EIF4B: variants seen among roughly 807,000 people sequenced by gnomAD.
EIF4B encodes the protein eukaryotic translation initiation factor 4B.
Under a neutral mutation model 79.3 loss-of-function variants are expected in EIF4B, and 8 were observed. That is an observed-to-expected ratio of 0.10 (90% CI 0.06 to 0.18). The LOEUF (loss-of-function observed/expected upper bound fraction) is 0.18, where lower values mean the gene tolerates loss of function less well. Ranked by LOEUF, EIF4B falls within the 10% of genes least tolerant of loss-of-function variation. The pLI, the probability that EIF4B is intolerant of heterozygous loss-of-function variation, is 1.00. For missense variants in EIF4B, 515 were observed against 792.4 expected, an observed-to-expected ratio of 0.65 and a Z score of 4.20; for synonymous variants, 238 against 274.7, an observed-to-expected ratio of 0.87 and a Z score of 1.32.
rs1482025945 is a variant in EIF4B, at chr12:53,006,461, G to C, written c.-23G>C. 3 of 1,612,936 alleles carry C rather than the reference G, an allele frequency of 1.9e-6. No individual in the cohort carries two copies. Among genetic ancestry groups the C allele is most frequent in the East Asian group, 4.5e-5 (2 of 44,886 alleles). On this transcript the variant is annotated 5_prime_UTR_variant, in exon 1 of 15. Coordinates refer to ENST00000262056, the MANE Select transcript of EIF4B (RefSeq NM_001417.7). ...CGTGATTGCCTCATCCGGGTCTTTT[G>C]CGTTCTCTTTCCCTCTCCCAACATG...
intron 1 of EIF4B, among the ~76,000 whole-genome samples, chr12:53,009,501 AAAAAAC>A (rs1943026603): frequency 1.6e-5 from 2 of 128,716 alleles, no homozygotes; most frequent in African/African-American, 7.1e-5. Context: ...TCTCAAAAAA[AAAAAAC>A]AAAAACAAAC....
rs1943363084 is a variant in EIF4B at position 53,027,822 on chromosome 12, G to T, written c.708G>T (p.Gly236=). The T allele has an allele frequency of 6.2e-7, 1 of 1,612,158 alleles. No individual in the cohort carries two copies. Among genetic ancestry groups the T allele is most frequent in the African/African-American group, 1.3e-5 (1 of 74,942 alleles). ...ATGATTCAGACCGGTATCGGGATGG[G>T]TATCGGGATGGGTATCGGGATGGCC... ...DRYDSDRYRD[G]YRDGYRDGPR... Residue 236 remains glycine, a synonymous_variant, in exon 7 of 15, where the codon GGG becomes GGT. Transcript: ENST00000262056.
At chr12:53,027,136 A>ATTTTTTTTTTTTTT (rs777111413) in intron 6 of EIF4B, among the ~76,000 whole-genome samples, 607 of 29,076 alleles carry the variant, frequency 0.021, 74 homozygotes, top group Middle Eastern at 0.042. Flanking sequence ...AAAAAAAAAA[A>ATTTTTTTTTTTTTT]ATTTTTTTTT....
chr12:53,027,137 A>AAATTTTTTTTTTTTTTTTTTTTTTTTTTT (rs1491387300), intron 6 of EIF4B, among the ~76,000 whole-genome samples: 1 of 25,722 alleles, frequency 3.9e-5, no homozygotes, highest in African/African-American at 8.2e-5. Flanking sequence ...AAAAAAAAAA[A>AAATTTTTTTTTTTTTTTTTTTTTTTTTTT]TTTTTTTTTT....
chr12:53,020,053 A>G (rs1943223098), intron 4 of EIF4B, 27 bp downstream of exon 4: 1 of 1,557,254 alleles, frequency 6.4e-7, no homozygotes. Flanking sequence ...TGGGGATATG[A>G]GGGGTGTAAG....
At chr12:53,015,544 G>C (rs542273724) in intron 1 of EIF4B, among the ~76,000 whole-genome samples, 1 of 151,868 alleles carries the variant, frequency 6.6e-6, no homozygotes, top group Non-Finnish European at 1.5e-5. Flanking sequence ...TCAGCTGGGC[G>C]TGGTAGTGTG....
chr12:53,006,624 C>A, intron 1 of EIF4B, 128 bp downstream of exon 1: 1 of 1,535,116 alleles, frequency 6.5e-7, no homozygotes, highest in Non-Finnish European at 8.9e-7. Context: ...CTGCGGCAGG[C>A]TGGCGGCGTG....
At chr12:53,039,774 G>A in intron 14 of EIF4B, 72 bp downstream of exon 14, 2 of 1,498,676 alleles carry the variant, frequency 1.3e-6, no homozygotes, top group Non-Finnish European at 1.8e-6. Context: ...TTCTTACTAA[G>A]AATTAAAAAT....
rs774474668 is a variant in EIF4B at position 53,034,028 on chromosome 12, G to T, written c.1202G>T (p.Arg401Leu). The T allele has an allele frequency of 2.5e-6, 4 of 1,609,442 alleles. No homozygotes were observed. Among genetic ancestry groups the T allele is most frequent in the Non-Finnish European group, 8.5e-7 (1 of 1,177,622 alleles). ...LDEPKLERRP[R>L]ERHPSWRSEE... The stretch of plus-strand genomic sequence containing the variant: ...GAGCCAAAACTAGAACGACGGCCTC[G>T]GGAGAGGTGTGTTGTCTTGATGGAT... Residue 401 changes from arginine (R) to leucine (L), a missense_variant, in exon 9 of 15, where the codon CGG (arginine) becomes CTG (leucine). This residue lies in a region of EIF4B where 146 missense variants were observed against 228.0 expected (regional missense o/e 0.64). Coordinates refer to ENST00000262056, the MANE Select transcript of EIF4B (RefSeq NM_001417.7).
intron 1 of EIF4B, among the ~76,000 whole-genome samples, chr12:53,009,494 CAAAAAA>C (rs10561811): frequency 0.084 from 12,458 of 148,270 alleles, 807 homozygotes; most frequent in African/African-American, 0.18. Context: ...GACTCCGTCT[CAAAAAA>C]AAAAAACAAA....
intron 1 of EIF4B, 116 bp downstream of exon 1, chr12:53,006,612 G>T: frequency 6.4e-7 from 1 of 1,563,640 alleles, no homozygotes. Flanking sequence ...CTGAATTGAG[G>T]GCTGCGGCAG....
At chr12:53,033,617 A>G (rs1444237250) in intron 8 of EIF4B, among the ~76,000 whole-genome samples, 189 bp from the exon 9 acceptor site, 1 of 152,244 alleles carries the variant, frequency 6.6e-6, no homozygotes, top group African/African-American at 2.4e-5. Context: ...CTGGGATTAC[A>G]GGCGTGAGCC....
At chr12:53,014,382 CA>C (rs1285353942) in intron 1 of EIF4B, among the ~76,000 whole-genome samples, 2 of 149,302 alleles carry the variant, frequency 1.3e-5, no homozygotes, top group Non-Finnish European at 1.5e-5. Flanking sequence ...CACTGCACTC[CA>C]GCCTGTATGA....
chr12:53,008,198 T>C (rs946809675), intron 1 of EIF4B, among the ~76,000 whole-genome samples: 1 of 152,246 alleles, frequency 6.6e-6, no homozygotes, highest in Non-Finnish European at 1.5e-5. Context: ...TTTTGTGTAA[T>C]TTTTAGAGGC....
rs1822714138 is a variant in EIF4B at position 53,040,463 on chromosome 12, A to G, written c.*240A>G. 2 of 421,238 alleles carry G rather than the reference A, an allele frequency of 4.7e-6. No individual in the cohort carries two copies. 26.1% of individuals were successfully genotyped at this position (421,238 alleles called of 1,614,324 possible). A position where few individuals can be genotyped will look rare whatever the true frequency, so the allele number is the denominator to read the frequency against. On this transcript the variant is annotated 3_prime_UTR_variant, in exon 15 of 15. Transcript: ENST00000262056. ...GAAAGGGACTACAGCTTTTTAGAGG[A>G]AAAGTTGTGGTGCGTTATGTCACCA...
intron 4 of EIF4B, among the ~76,000 whole-genome samples, chr12:53,020,972 A>G (rs1239174909): frequency 6.6e-6 from 1 of 152,180 alleles, no homozygotes; most frequent in Admixed American, 6.5e-5. Context: ...CTATTAATAT[A>G]TTGTTGTGGT....
intron 5 of EIF4B, 125 bp downstream of exon 5, chr12:53,021,985 TCA>T (rs1240258526): frequency 1.7e-6 from 2 of 1,199,898 alleles, no homozygotes; most frequent in Non-Finnish European, 2.4e-6. Flanking sequence ...CAGTTTTCAA[TCA>T]GTTTTGCCCC....
At chr12:53,013,999 A>G (rs1006230227) in intron 1 of EIF4B, 1 of 152,032 alleles carries the variant, frequency 6.6e-6, no homozygotes, top group Non-Finnish European at 1.5e-5. Flanking sequence ...CTGCCTCTAC[A>G]AAAAATTTTA....
At chr12:53,012,535 CAA>C (rs1477783162) in intron 1 of EIF4B, among the ~76,000 whole-genome samples, 2 of 149,324 alleles carry the variant, frequency 1.3e-5, no homozygotes, top group Non-Finnish European at 3.0e-5. Flanking sequence ...GCCTAGGCAA[CAA>C]GAGCAAAATT....
Sources: allele counts gnomAD v4.1 joint callset (sites outside exome capture counted in the v4.1 genomes callset), GRCh38; gene constraint gnomAD v4.1.1; regional missense constraint gnomAD v4.1.1; transcripts MANE v1.5; gene names NCBI Gene and HGNC (gene_info 2026-07-23, HGNC 2026-07-21).